The following NUFIP2 variants were observed in gnomAD, a reference collection of about 807,000 sequenced individuals.
NUFIP2 encodes the protein nuclear FMR1 interacting protein 2.
NUFIP2 carries 6 observed loss-of-function variants against 56.9 expected under a neutral mutation model. That is an observed-to-expected ratio of 0.11 (90% CI 0.06 to 0.21). The LOEUF is 0.21. NUFIP2 is among the 10% of genes least tolerant of loss of function. The pLI is 1.00. For synonymous variants in NUFIP2, 321 were observed against 298.2 expected (o/e 1.08, Z -0.79); for missense variants, 828 against 826.8 (o/e 1.00, Z -0.02).
In NUFIP2 at chr17:29,293,952, A is replaced by T; in HGVS notation, c.108T>A (p.Tyr36Ter). The change falls in exon 1 of 4, where the codon TAT (tyrosine) becomes TAA (stop). Residue 36 changes from tyrosine (Y) to a stop codon, truncating the protein, a stop_gained. Transcript: ENST00000225388. LOFTEE classifies it high-confidence loss of function. ...GGTTGTGGCTGTGGTTGTAGAAATA[A>T]TAATGGTGGTGGTGGTGCGGCTGCT... Reference protein sequence around the residue: ...QQQQPHHHHHYYFYNHSHNHH... With the variant: ...QQQQPHHHHH The T allele has an allele frequency of 6.2e-7, 1 of 1,613,272 alleles. No individual in the cohort carries two copies. The highest frequency in any genetic ancestry group is 8.5e-7 in the Non-Finnish European group (1 of 1,179,432).
intron 3 of NUFIP2, 25 bp downstream of exon 3, chr17:29,267,473 T>C (rs2069045307): frequency 2.2e-6 from 3 of 1,361,782 alleles, no homozygotes; most frequent in Non-Finnish European, 3.1e-6. Flanking sequence ...ATTAGTGACA[T>C]TTTAAGTAAT....
chr17:29,290,187 TA>T (rs1403380503), intron 1 of NUFIP2, among the ~76,000 whole-genome samples: 1 of 152,058 alleles, frequency 6.6e-6, no homozygotes, highest in Non-Finnish European at 1.5e-5. Flanking sequence ...ACCGGCCTCT[TA>T]GATTTCTTAG....
intron 2 of NUFIP2, among the ~76,000 whole-genome samples, chr17:29,281,402 G>A (rs2153012027): frequency 6.6e-6 from 1 of 152,202 alleles, no homozygotes; most frequent in South Asian, 2.1e-4. Context: ...TGAGGCAGGA[G>A]GATCACTTGA....
At chr17:29,277,044 G>A (rs535388425) in intron 2 of NUFIP2, among the ~76,000 whole-genome samples, 2 of 152,206 alleles carry the variant, frequency 1.3e-5, no homozygotes, top group Admixed American at 1.3e-4. Flanking sequence ...GTTTGTTTTT[G>A]GAGACAGTCT....
chr17:29,267,600 T>G, intron 2 of NUFIP2, 70 bp from the exon 3 acceptor site: 2 of 992,844 alleles, frequency 2.0e-6, no homozygotes, highest in East Asian at 5.1e-5. Flanking sequence ...CTTTTCATTT[T>G]AAATCTAAAA....
At chr17:29,278,601 G>A (rs2069122406) in intron 2 of NUFIP2, among the ~76,000 whole-genome samples, 1 of 20,748 alleles carries the variant, frequency 4.8e-5, no homozygotes, top group Admixed American at 3.2e-4. Context: ...CTACTACTAT[G>A]ATAGTAATAG....
intron 3 of NUFIP2, among the ~76,000 whole-genome samples, chr17:29,265,477 T>G (rs1274650803): frequency 2.7e-5 from 4 of 147,400 alleles, no homozygotes; most frequent in African/African-American, 9.8e-5. Context: ...TAATTTTTTG[T>G]ATTTTTAGTA....
intron 2 of NUFIP2, among the ~76,000 whole-genome samples, chr17:29,281,451 C>A (rs964614636): frequency 9.2e-5 from 14 of 151,950 alleles, no homozygotes; most frequent in African/African-American, 3.4e-4. Context: ...ATGACCACAC[C>A]ACTGTACTCC....
intron 2 of NUFIP2, among the ~76,000 whole-genome samples, chr17:29,277,977 A>G (rs2069117684): frequency 6.6e-6 from 1 of 151,954 alleles, no homozygotes; most frequent in Non-Finnish European, 1.5e-5. Context: ...GCGCCACTGG[A>G]CTCCAGCCTG....
At chr17:29,292,684 C>T (rs2069223295) in intron 1 of NUFIP2, among the ~76,000 whole-genome samples, 3 of 149,324 alleles carry the variant, frequency 2.0e-5, no homozygotes, top group African/African-American at 7.3e-5. Context: ...CGCTTCGAGG[C>T]CGGCTCCCCG....
At chr17:29,265,560 C>T (rs1324249605) in intron 3 of NUFIP2, among the ~76,000 whole-genome samples, 7 of 148,194 alleles carry the variant, frequency 4.7e-5, no homozygotes, top group Admixed American at 2.0e-4. Flanking sequence ...CCTCGGCCTC[C>T]CAAAGTGCTG....
intron 2 of NUFIP2, among the ~76,000 whole-genome samples, chr17:29,273,523 CACAG>C (rs984395965): frequency 1.4e-5 from 2 of 147,808 alleles, no homozygotes; most frequent in African/African-American, 2.5e-5. Context: ...CACACACACA[CACAG>C]ACACACAGCA....
intron 2 of NUFIP2, among the ~76,000 whole-genome samples, chr17:29,285,628 CA>C: frequency 6.6e-6 from 1 of 151,606 alleles, no homozygotes; most frequent in Non-Finnish European, 1.5e-5. Context: ...AAAGCAAAGA[CA>C]AAAAAGCCAC....
In NUFIP2 at chr17:29,264,091, GATTAGTGT is replaced by G. The variant is rs2069019867; in HGVS notation, c.*440_*447del. ...TGTTGAATCATTCTGGGTTCCCCGT[GATTAGTGT>G]ATCACTTCAGTCACAGAACAAGATA... On this transcript the variant is annotated 3_prime_UTR_variant, in exon 4 of 4. Transcript: ENST00000225388. 1 of 152,542 alleles carries G rather than the reference GATTAGTGT, an allele frequency of 6.6e-6. No homozygotes were observed. The highest frequency in any genetic ancestry group is 1.5e-5 in the Non-Finnish European group (1 of 68,036). The allele number at this position is 152,542 out of a possible 1,614,324, so 9.4% of individuals were successfully genotyped here.
At chr17:29,289,538 G>A (rs1162918284) in intron 1 of NUFIP2, among the ~76,000 whole-genome samples, 1 of 152,154 alleles carries the variant, frequency 6.6e-6, no homozygotes, top group African/African-American at 2.4e-5. Context: ...GTTGCAGTGA[G>A]CCCACATTGG....
Position 29,287,048 on chromosome 17 carries a change from C to A in NUFIP2, c.946G>T (p.Asp316Tyr). The change falls in exon 2 of 4, where the codon GAT (aspartate) becomes TAT (tyrosine). Residue 316 changes from aspartate (D) to tyrosine (Y), a missense_variant. Physicochemically the swap from Asp to Tyr is radical, Grantham distance 160 (BLOSUM62 -3). This residue lies in a region of NUFIP2 where 415 missense variants were observed against 408.7 expected (regional missense o/e 1.02). Transcript: ENST00000225388. The part of the protein sequence containing the change: ...SKPGVSSKKF[D>Y]DRPKGKHASA... ...GCATGCTTTCCTTTGGGCCGATCAT[C>A]AAACTTTTTGCTGCTCACACCAGGT... 6.2e-7 allele frequency: 1 copy of A among 1,614,200 alleles called. No individual in the cohort carries two copies. The highest frequency in any genetic ancestry group is 8.5e-7 in the Non-Finnish European group (1 of 1,180,040).
In NUFIP2 at chr17:29,267,518, A is replaced by G; in HGVS notation, c.2015T>C (p.Ile672Thr). Residue 672 changes from isoleucine to threonine, a missense_variant, in exon 3 of 4, where the codon ATT (isoleucine) becomes ACT (threonine). Physicochemically the swap from Ile to Thr is moderately conservative, Grantham distance 89. Transcript: ENST00000225388. Reference protein sequence around the residue: ...IVYHTKEMESIWNLQKQDPKR... With the variant: ...IVYHTKEMESTWNLQKQDPKR... The stretch of plus-strand genomic sequence containing the variant: ...CTTACCTTGCTTCTGCAAATTCCAA[A>G]TAGATTCCATTTCTGCAAAGAAAAA... 6.5e-7 allele frequency: 1 copy of G among 1,540,196 alleles called. No homozygotes were observed. The highest frequency in any genetic ancestry group is 8.9e-7 in the Non-Finnish European group (1 of 1,123,340).
At chr17:29,283,161 G>A (rs150249012) in intron 2 of NUFIP2, among the ~76,000 whole-genome samples, 412 of 152,146 alleles carry the variant, frequency 2.7e-3, no homozygotes, top group African/African-American at 9.4e-3. Flanking sequence ...CCCATATAGG[G>A]GTATTCAGCT....
chr17:29,281,695 A>C (rs2153012064), intron 2 of NUFIP2, among the ~76,000 whole-genome samples: 1 of 150,266 alleles, frequency 6.7e-6, no homozygotes, highest in Non-Finnish European at 1.5e-5. Context: ...TCTTTAAAAA[A>C]AAAAAAAAAA....
Sources: gnomAD v4.1 joint callset for allele counts (sites outside exome capture counted in the v4.1 genomes callset) on GRCh38, gnomAD v4.1.1 for gene constraint, gnomAD v4.1.1 regional missense constraint, MANE v1.5 for transcripts, NCBI Gene and HGNC (gene_info 2026-07-23, HGNC 2026-07-21) for gene names.